Variants in ZNF805 observed in about 807,000 individuals in gnomAD.
ZNF805 encodes zinc finger protein 805.
In ZNF805, 7 loss-of-function variants were observed where a neutral mutation model predicts 13.6. The ratio of observed to expected loss-of-function variants is 0.51; its 90% CI spans 0.29 to 0.97. The LOEUF (loss-of-function observed/expected upper bound fraction) is 0.97, where lower values mean the gene tolerates loss of function less well. Ranked by LOEUF, ZNF805 falls within the 50% of genes least tolerant of loss-of-function variation. The pLI is 0.08. For synonymous variants in ZNF805, 293 were observed against 279.8 expected, an observed-to-expected ratio of 1.05 and a Z score of -0.47; for missense variants, 604 against 771.0, an observed-to-expected ratio of 0.78 and a Z score of 2.57.
In ZNF805 at chr19:57,254,556, G is replaced by A; in HGVS notation, c.1737G>A (p.Gly579=). 1 of 1,614,176 alleles carries A rather than the reference G, an allele frequency of 6.2e-7. No homozygotes were observed. The change falls in exon 4 of 4, where the codon GGG becomes GGA. Residue 579 remains glycine, a synonymous_variant. Coordinates refer to ENST00000414468, the MANE Select transcript of ZNF805 (RefSeq NM_001023563.4). ...ATGTGGGAAGACCTTTTACAAGTGG[G>A]CAGACCTCAGTCAACATCCAAGAAC... ...VTDVGRPFTS[G]QTSVNIQELL...
chr19:57,259,990 A>T lies in ZNF805; in HGVS notation c.*5287A>T, dbSNP rs891669424. Reference sequence around the variant, plus strand: ...TGTAATCTTTTATATTGGGCTTCTTAAATATTTCTGTCAACAGATCTTATA... The same window carrying T: ...TGTAATCTTTTATATTGGGCTTCTTTAATATTTCTGTCAACAGATCTTATA... On this transcript the variant is annotated 3_prime_UTR_variant, in exon 4 of 4. Transcript: ENST00000414468. 6.6e-6 allele frequency among the ~76,000 whole-genome samples: 1 copy of T among 152,212 alleles called. No individual in the cohort carries two copies. Among genetic ancestry groups the T allele is most frequent in the Non-Finnish European group, 1.5e-5 (1 of 68,036 alleles).
intron 2 of ZNF805, among the ~76,000 whole-genome samples, chr19:57,247,116 C>G (rs1394813405): frequency 6.6e-6 from 1 of 151,834 alleles, no homozygotes; most frequent in African/African-American, 2.4e-5. Context: ...TCACTGCGAT[C>G]CTCACACCTT....
chr19:57,257,833 A>C lies in ZNF805; in HGVS notation c.*3130A>C, dbSNP rs191311306. 1.8e-4 allele frequency among the ~76,000 whole-genome samples: 26 copies of C among 147,818 alleles called. No individual in the cohort carries two copies. The highest frequency in any genetic ancestry group is 3.6e-3 in the Middle Eastern group (1 of 276). ...GTGATTCTCCTGCCTCAGGCTCTTG[A>C]GTAGCTGGGATTACAGGCATCCGCC... On this transcript the variant is annotated 3_prime_UTR_variant, in exon 4 of 4. Coordinates refer to ENST00000414468, the MANE Select transcript of ZNF805 (RefSeq NM_001023563.4).
chr19:57,241,062 G>C, intron 1 of ZNF805, 141 bp downstream of exon 1: 3 of 915,218 alleles, frequency 3.3e-6, no homozygotes, highest in Non-Finnish European at 5.0e-6. Context: ...TCGTCACTTA[G>C]TTTATCTCCT....
At chr19:57,240,981 C>A (rs2087576167) in intron 1 of ZNF805, 60 bp downstream of exon 1, 1 of 1,533,446 alleles carries the variant, frequency 6.5e-7, no homozygotes, top group Non-Finnish European at 8.8e-7. Flanking sequence ...GCCTCCTGGG[C>A]AGGCCGGAAG....
At position 57,253,609 on chromosome 19, in the gene ZNF805, T is replaced by C. The variant is rs749192349; in HGVS notation, c.790T>C (p.Cys264Arg). The C allele has an allele frequency of 4.3e-6, 7 of 1,613,844 alleles. No individual in the cohort carries two copies. The highest frequency in any genetic ancestry group is 5.9e-6 in the Non-Finnish European group (7 of 1,179,982). ...TGEKPYKCME[C>R]GKAFNRKSHL... Reference sequence around the variant, plus strand: ...GGAGAAGCCCTATAAGTGCATGGAGTGTGGGAAGGCTTTTAATCGGAAGTC... The same window carrying C: ...GGAGAAGCCCTATAAGTGCATGGAGCGTGGGAAGGCTTTTAATCGGAAGTC... Residue 264 changes from cysteine to arginine, a missense_variant, in exon 4 of 4, where the codon TGT becomes CGT. Cys to Arg is a radical substitution (Grantham distance 180). Around this residue, in one of 3 missense-constraint regions of ZNF805, gnomAD observed 327 missense variants for 378.2 expected, o/e 0.86. Coordinates refer to ENST00000414468, the MANE Select transcript of ZNF805 (RefSeq NM_001023563.4). This position sits in a 1 kb window ranked among gnomAD's most constrained non-coding sequence, Gnocchi z 4.4.
At chr19:57,245,311 C>G (rs1020891148) in intron 2 of ZNF805, among the ~76,000 whole-genome samples, 3 of 152,160 alleles carry the variant, frequency 2.0e-5, no homozygotes, top group African/African-American at 7.2e-5. Flanking sequence ...CTCAGCACCA[C>G]TTGCCTCCTC....
chr19:57,249,872 G>A (rs549968147), intron 3 of ZNF805, among the ~76,000 whole-genome samples: 1 of 151,246 alleles, frequency 6.6e-6, no homozygotes, highest in East Asian at 1.9e-4. Flanking sequence ...GCCTCTGCCC[G>A]CGTGGGTTCC....
chr19:57,259,686 T>G lies in ZNF805; in HGVS notation c.*4983T>G, dbSNP rs577236658. On this transcript the variant is annotated 3_prime_UTR_variant, in exon 4 of 4. Coordinates refer to ENST00000414468, the MANE Select transcript of ZNF805 (RefSeq NM_001023563.4). ...CATGCCCGGCTAATTTTTTGTATTT[T>G]TAGTAGAGACGGGGTTTCACTGTGT... Among the ~76,000 whole-genome samples, 38 of 152,166 alleles carry G rather than the reference T, an allele frequency of 2.5e-4. No individual in the cohort carries two copies. Among genetic ancestry groups the G allele is most frequent in the Non-Finnish European group, 4.6e-4 (31 of 68,032 alleles).
chr19:57,241,109 G>T (rs907802945), intron 1 of ZNF805, among the ~76,000 whole-genome samples, 188 bp downstream of exon 1: 1 of 152,132 alleles, frequency 6.6e-6, no homozygotes, highest in African/African-American at 2.4e-5. Context: ...TATTGAAGCG[G>T]ACAGTAGGCA....
rs2087698705 is a variant in ZNF805, at chr19:57,257,959, C to G, written c.*3256C>G. Reference sequence around the variant, plus strand: ...CTGACCTCAGGTGATCCACCTGCCTCAGCCTCCCAAAGTGCTAGGATTACT... The same window carrying G: ...CTGACCTCAGGTGATCCACCTGCCTGAGCCTCCCAAAGTGCTAGGATTACT... On this transcript the variant is annotated 3_prime_UTR_variant, in exon 4 of 4. Transcript: ENST00000414468. 3.3e-5 allele frequency among the ~76,000 whole-genome samples: 5 copies of G among 149,998 alleles called. No homozygotes were observed. In the South Asian group the frequency reaches 1.1e-3, roughly 32 times the overall value.
rs2087678007 is a variant in ZNF805, at chr19:57,254,876, T to G, written c.*173T>G. 1 of 644,660 alleles carries G rather than the reference T, an allele frequency of 1.6e-6. No homozygotes were observed. The highest frequency in any genetic ancestry group is 1.8e-5 in the African/African-American group (1 of 54,312). 39.9% of individuals were successfully genotyped at this position (644,660 alleles called of 1,614,324 possible). ...TTCTCATTAGTTTACAGTGCAATGT[T>G]ATCTCAGGAATTTTTATAAACAGAA... On this transcript the variant is annotated 3_prime_UTR_variant, in exon 4 of 4. Coordinates refer to ENST00000414468, the MANE Select transcript of ZNF805 (RefSeq NM_001023563.4).
rs2087707107 is a variant in ZNF805, at chr19:57,258,965, C to G, written c.*4262C>G. On this transcript the variant is annotated 3_prime_UTR_variant, in exon 4 of 4. Transcript: ENST00000414468. ...TTTAGGGTCTGCAGTTCTTTTAGTA[C>G]TTGAGAAACATGTTTGTTCCTTCTG... Among the ~76,000 whole-genome samples the G allele has an allele frequency of 6.6e-6, 1 of 152,186 alleles. No individual in the cohort carries two copies. The highest frequency in any genetic ancestry group is 1.5e-5 in the Non-Finnish European group (1 of 68,030).
intron 1 of ZNF805, 87 bp from the exon 2 acceptor site, chr19:57,243,836 T>G: frequency 6.3e-7 from 1 of 1,588,668 alleles, no homozygotes; most frequent in South Asian, 1.1e-5. Flanking sequence ...CCTCAGTGAC[T>G]TGGGCCTTGA....
chr19:57,249,402 A>C (rs2087638131), intron 3 of ZNF805, among the ~76,000 whole-genome samples: 1 of 152,218 alleles, frequency 6.6e-6, no homozygotes, highest in Non-Finnish European at 1.5e-5. Flanking sequence ...ATTAGAAATT[A>C]TTTTTATAAA....
rs1037116038 is a variant in ZNF805 at position 57,262,161 on chromosome 19, A to C, written c.*7458A>C. 1 of 167,072 alleles carries C rather than the reference A, an allele frequency of 6.0e-6. No individual in the cohort carries two copies. The highest frequency in any genetic ancestry group is 1.5e-5 in the Non-Finnish European group (1 of 68,122). 10.3% of individuals were successfully genotyped at this position (167,072 alleles called of 1,614,324 possible). ...AAAGTACAGACTCCAGCCAAGGATG[A>C]ACCTTGCAAGATCAAAGAATAGCAG... On this transcript the variant is annotated 3_prime_UTR_variant, in exon 4 of 4. Coordinates refer to ENST00000414468, the MANE Select transcript of ZNF805 (RefSeq NM_001023563.4).
rs2087689705 is a variant in ZNF805, at chr19:57,256,769, T to G, written c.*2066T>G. 6.6e-6 allele frequency among the ~76,000 whole-genome samples: 1 copy of G among 152,140 alleles called. No homozygotes were observed. The highest frequency in any genetic ancestry group is 6.5e-5 in the Admixed American group (1 of 15,278). ...AGAAATAGCACTTTATATCACTGAT[T>G]TTTCTCCAGTCTCTGTTCTTAATTT... On this transcript the variant is annotated 3_prime_UTR_variant, in exon 4 of 4. Transcript: ENST00000414468.
At position 57,257,587 on chromosome 19, in the gene ZNF805, A is replaced by G. The variant is rs1312659837; in HGVS notation, c.*2884A>G. Reference sequence around the variant, plus strand: ...GTCTTACGTTTTGGTTAATGCTTGCATGATTTACACTTCATCATTTTTTTA... The same window carrying G: ...GTCTTACGTTTTGGTTAATGCTTGCGTGATTTACACTTCATCATTTTTTTA... On this transcript the variant is annotated 3_prime_UTR_variant, in exon 4 of 4. Coordinates refer to ENST00000414468, the MANE Select transcript of ZNF805 (RefSeq NM_001023563.4). Among the ~76,000 whole-genome samples the G allele has an allele frequency of 2.6e-5, 4 of 151,714 alleles. No homozygotes were observed. The highest frequency in any genetic ancestry group is 5.9e-5 in the Non-Finnish European group (4 of 68,004).
In ZNF805 at chr19:57,254,826, C is replaced by T. The variant is rs577089020; in HGVS notation, c.*123C>T. On this transcript the variant is annotated 3_prime_UTR_variant, in exon 4 of 4. Transcript: ENST00000414468. ...AAAAACACCCAGTGGTTATTACGCA[C>T]TTGGGAAAACCTTTAGCTCCATCTT... 3.0e-6 allele frequency: 3 copies of T among 1,001,250 alleles called. No individual in the cohort carries two copies. In the African/African-American group the frequency reaches 4.9e-5, roughly 16 times the overall value. 62.0% of individuals were successfully genotyped at this position (1,001,250 alleles called of 1,614,324 possible).
Sources: allele counts gnomAD v4.1 joint callset (sites outside exome capture counted in the v4.1 genomes callset), GRCh38; gene constraint gnomAD v4.1.1; regional missense constraint gnomAD v4.1.1; non-coding constraint Gnocchi (gnomAD v3.1); transcripts MANE v1.5; gene names NCBI Gene and HGNC (gene_info 2026-07-23, HGNC 2026-07-21).